The following SLC5A7 variants were observed in gnomAD, a reference collection of about 807,000 sequenced individuals.
SLC5A7 encodes the protein high affinity choline transporter 1.
Under a neutral mutation model 55.4 loss-of-function variants are expected in SLC5A7, and 19 were observed. That is an observed-to-expected ratio of 0.34 (90% CI 0.24 to 0.50). SLC5A7 has a LOEUF of 0.50. Among genes scored for constraint, SLC5A7 ranks in the 20% least tolerant of loss-of-function variants. The probability of loss-of-function intolerance (pLI) is 0.98; values close to 1 mark genes in which losing one functional copy is unlikely to be tolerated. For synonymous variants in SLC5A7, 265 were observed against 263.7 expected (o/e 1.00, Z -0.05); for missense variants, 506 against 705.3 (o/e 0.72, Z 3.20).
chr2:107,994,577 CTCTG>C (rs1382030809), intron 4 of SLC5A7, among the ~76,000 whole-genome samples: 1 of 151,980 alleles, frequency 6.6e-6, no homozygotes, highest in Non-Finnish European at 1.5e-5. Context: ...CAGAGTGAGA[CTCTG>C]TCTCAAAAAG....
intron 6 of SLC5A7, among the ~76,000 whole-genome samples, chr2:108,003,685 A>T (rs2104368239): frequency 6.6e-6 from 1 of 152,238 alleles, no homozygotes; most frequent in Admixed American, 6.5e-5. Context: ...GGTAGACTGC[A>T]TTCCTTACCT....
chr2:108,006,926 A>T (rs1265261217), intron 7 of SLC5A7, among the ~76,000 whole-genome samples: 2 of 152,194 alleles, frequency 1.3e-5, no homozygotes, highest in Non-Finnish European at 2.9e-5. Flanking sequence ...AGTGATGGAT[A>T]AGCATTTAGG....
chr2:108,010,142 C>G, intron 8 of SLC5A7, 90 bp from the exon 9 acceptor site: 1 of 1,472,892 alleles, frequency 6.8e-7, no homozygotes, highest in African/African-American at 1.4e-5. Flanking sequence ...ATTCTTTAGA[C>G]CAGTTTTGAA....
chr2:108,001,691 A>G lies in SLC5A7; in HGVS notation c.598-206A>G, dbSNP rs577736012. Among the ~76,000 whole-genome samples, 42 of 135,312 alleles carry G rather than the reference A, an allele frequency of 3.1e-4. 1 individual carries two copies. The highest frequency in any genetic ancestry group is 1.4e-3 in the African/African-American group (41 of 29,928). 88.8% of individuals were successfully genotyped at this position (135,312 alleles called of 152,430 possible). ...CCGTCTCAAAAAAAAAAAAAAAAAG[A>G]AAAGAAATAGTCAATGTGTTATTTT... On this transcript the variant is annotated intron_variant, in intron 5 of 8. Coordinates refer to ENST00000264047, the MANE Select transcript of SLC5A7 (RefSeq NM_021815.5).
chr2:107,998,122 C>T (rs1029815670), intron 5 of SLC5A7, 136 bp downstream of exon 5: 14 of 833,086 alleles, frequency 1.7e-5, no homozygotes, highest in Non-Finnish European at 2.2e-5. Context: ...CATGAAATTT[C>T]AAATTTCTCC....
intron 6 of SLC5A7, among the ~76,000 whole-genome samples, chr2:108,002,602 G>A (rs2104366003): frequency 6.6e-6 from 1 of 152,280 alleles, no homozygotes; most frequent in East Asian, 1.9e-4. Context: ...ACATGGAAGA[G>A]ATAATGGCCG....
intron 4 of SLC5A7, among the ~76,000 whole-genome samples, 171 bp downstream of exon 4, chr2:107,993,298 T>C (rs1677527841): frequency 6.6e-6 from 1 of 152,258 alleles, no homozygotes; most frequent in Non-Finnish European, 1.5e-5. Flanking sequence ...ACTTGCAATA[T>C]GGTGGCAGAG....
chr2:107,988,302 T>C lies in SLC5A7; in HGVS notation c.147T>C (p.Ile49=). The part of the protein sequence containing the change: ...SEAIIVGGRD[I]GLLVGGFTMT... ...CCATCATAGTTGGTGGCCGAGATAT[T>C]GGTTTATTGGTTGGTGGATTTACCA... is the stretch of plus-strand genomic sequence containing the variant. Residue 49 remains isoleucine (I), a synonymous_variant, in exon 2 of 9, where the codon ATT becomes ATC. Transcript: ENST00000264047. The C allele has an allele frequency of 6.2e-7, 1 of 1,613,892 alleles. No homozygotes were observed. The highest frequency in any genetic ancestry group is 8.5e-7 in the Non-Finnish European group (1 of 1,179,824).
At chr2:107,990,758 T>A (rs1249475702) in intron 2 of SLC5A7, among the ~76,000 whole-genome samples, 1 of 152,214 alleles carries the variant, frequency 6.6e-6, no homozygotes, top group East Asian at 1.9e-4. Context: ...TGCTTTGTAT[T>A]AGATTAAAAG....
rs1467159848 is a variant in SLC5A7, at chr2:108,011,970, C to G, written c.*1109C>G. 2.6e-5 allele frequency: 4 copies of G among 152,446 alleles called. No individual in the cohort carries two copies. Among genetic ancestry groups the G allele is most frequent in the African/African-American group, 9.7e-5 (4 of 41,404 alleles). The allele number at this position is 152,446 out of a possible 1,614,324, so 9.4% of individuals were successfully genotyped here. On this transcript the variant is annotated 3_prime_UTR_variant, in exon 9 of 9. Coordinates refer to ENST00000264047, the MANE Select transcript of SLC5A7 (RefSeq NM_021815.5). Reference sequence around the variant, plus strand: ...TTTGGCACTTTTTCACATAAGCCAGCCTTAGAGACTAGACAAATAACTACT... The same window carrying G: ...TTTGGCACTTTTTCACATAAGCCAGGCTTAGAGACTAGACAAATAACTACT...
At position 108,013,492 on chromosome 2, in the gene SLC5A7, A is replaced by C. The variant is rs1678419165; in HGVS notation, c.*2631A>C. The C allele has an allele frequency of 6.6e-6, 1 of 152,192 alleles. No individual in the cohort carries two copies. The highest frequency in any genetic ancestry group is 2.4e-5 in the African/African-American group (1 of 41,460). The allele number at this position is 152,192 out of a possible 1,614,324, so 9.4% of individuals were successfully genotyped here. On this transcript the variant is annotated 3_prime_UTR_variant, in exon 9 of 9. Coordinates refer to ENST00000264047, the MANE Select transcript of SLC5A7 (RefSeq NM_021815.5). ...AATTTCCAAGACAGTTGTATCACAA[A>C]GCTGTGAAATGTGCAAGAGTATACT...
At chr2:107,999,324 GT>G (rs555981425) in intron 5 of SLC5A7, among the ~76,000 whole-genome samples, 1 of 152,170 alleles carries the variant, frequency 6.6e-6, no homozygotes, top group Non-Finnish European at 1.5e-5. Flanking sequence ...AGCCAGGTTG[GT>G]TTGGCAATGA....
At chr2:107,994,348 C>G (rs538738497) in intron 4 of SLC5A7, among the ~76,000 whole-genome samples, 6 of 152,204 alleles carry the variant, frequency 3.9e-5, no homozygotes, top group African/African-American at 1.2e-4. Flanking sequence ...CTTTGGGAGG[C>G]CAAGGAGGGC....
chr2:107,989,247 A>C (rs554889733), intron 2 of SLC5A7, among the ~76,000 whole-genome samples: 1 of 152,350 alleles, frequency 6.6e-6, no homozygotes, highest in South Asian at 2.1e-4. Context: ...CATAGCAAGA[A>C]CTGTGAGCGT....
rs955096128 is a variant in SLC5A7 at position 108,011,909 on chromosome 2, A to C, written c.*1048A>C. 1.3e-5 allele frequency: 2 copies of C among 152,574 alleles called. No homozygotes were observed. Among genetic ancestry groups the C allele is most frequent in the African/African-American group, 4.8e-5 (2 of 41,452 alleles). 9.5% of individuals were successfully genotyped at this position (152,574 alleles called of 1,614,324 possible). ...AAACTCTACTAATTTTTAGATATTCATTAATAGGAAAGATTTAATGTTACA... is the reference window on the plus strand; with the variant it reads ...AAACTCTACTAATTTTTAGATATTCCTTAATAGGAAAGATTTAATGTTACA... On this transcript the variant is annotated 3_prime_UTR_variant, in exon 9 of 9. Transcript: ENST00000264047.
intron 4 of SLC5A7, among the ~76,000 whole-genome samples, chr2:107,997,380 A>G (rs922230382): frequency 1.2e-4 from 19 of 152,340 alleles, no homozygotes; most frequent in African/African-American, 4.3e-4. Flanking sequence ...GTAGTAGGTT[A>G]CACCATCAAG....
At chr2:108,004,137 A>G (rs1190552239) in intron 6 of SLC5A7, among the ~76,000 whole-genome samples, 1 of 152,184 alleles carries the variant, frequency 6.6e-6, no homozygotes, top group Non-Finnish European at 1.5e-5. Flanking sequence ...TATTCAGTCC[A>G]TTGTATCATG....
Position 107,992,999 on chromosome 2 carries a change from G to A in SLC5A7, c.320G>A (p.Arg107His), listed in dbSNP as rs961639912. Residue 107 changes from arginine to histidine, a missense_variant, in exon 4 of 9, where the codon CGT becomes CAT. Arg to His is a conservative substitution (Grantham distance 29). Around this residue, in one of 4 missense-constraint regions of SLC5A7, gnomAD observed 309 missense variants for 478.6 expected, o/e 0.65. Coordinates refer to ENST00000264047, the MANE Select transcript of SLC5A7 (RefSeq NM_021815.5). ...LGGLFFAKPM[R>H]SKGYVTMLDP... ...GGCCTGTTCTTTGCAAAACCTATGC[G>A]TTCAAAGGGGTATGTGACCATGTTA... The A allele has an allele frequency of 5.0e-6, 8 of 1,613,992 alleles. No homozygotes were observed. Among genetic ancestry groups the A allele is most frequent in the Admixed American group, 1.7e-5 (1 of 60,008 alleles).
At chr2:108,001,482 G>A (rs1677895943) in intron 5 of SLC5A7, among the ~76,000 whole-genome samples, 1 of 151,520 alleles carries the variant, frequency 6.6e-6, no homozygotes, top group Non-Finnish European at 1.5e-5. Flanking sequence ...GACCATCCCG[G>A]CTATAACGGT....
Sources: allele counts gnomAD v4.1 joint callset (sites outside exome capture counted in the v4.1 genomes callset), GRCh38; gene constraint gnomAD v4.1.1; regional missense constraint gnomAD v4.1.1; transcripts MANE v1.5; gene names NCBI Gene and HGNC (gene_info 2026-07-23, HGNC 2026-07-21).